Variants in KLF12 observed in about 807,000 individuals in gnomAD.
KLF12 encodes KLF transcription factor 12.
KLF12 carries 9 observed loss-of-function variants against 37.8 expected under a neutral mutation model. The ratio of observed to expected loss-of-function variants is 0.24; its 90% confidence interval spans 0.14 to 0.42. The LOEUF (loss-of-function observed/expected upper bound fraction) is 0.42. Ranked by LOEUF, KLF12 falls within the 10% of genes least tolerant of loss-of-function variation. The probability of loss-of-function intolerance (pLI) is 1.00; values close to 1 mark genes in which losing one functional copy is unlikely to be tolerated. For synonymous variants in KLF12, 208 were observed against 202.1 expected (o/e 1.03, Z -0.25); for missense variants, 411 against 516.0 (o/e 0.80, Z 1.97).
chr13:73,912,554 G>A (rs988623381), intron 3 of KLF12, among the ~76,000 whole-genome samples: 4 of 151,962 alleles, frequency 2.6e-5, no homozygotes, highest in African/African-American at 9.7e-5. Flanking sequence ...ACAAACTAAG[G>A]GACACCAAAA....
chr13:74,226,457 A>C, the KLF12 span, among the ~76,000 whole-genome samples: 1 of 152,164 alleles, frequency 6.6e-6, no homozygotes, highest in African/African-American at 2.4e-5. Context: ...TTCATTTAAC[A>C]AGTTTGTGGG....
the KLF12 span, among the ~76,000 whole-genome samples, chr13:74,253,659 T>G: frequency 6.6e-6 from 1 of 152,220 alleles, no homozygotes; most frequent in Non-Finnish European, 1.5e-5. Context: ...GCCAGCCTGT[T>G]AGAGCACATA....
chr13:73,748,583 G>A (rs1198920159), intron 6 of KLF12, among the ~76,000 whole-genome samples: 6 of 152,150 alleles, frequency 3.9e-5, no homozygotes, highest in East Asian at 1.9e-4. Context: ...AGCCTTCCCC[G>A]GGAACTGAAT....
At chr13:74,290,815 A>C in the KLF12 span, among the ~76,000 whole-genome samples, 1 of 152,244 alleles carries the variant, frequency 6.6e-6, no homozygotes, top group African/African-American at 2.4e-5. Context: ...AAACCTTTAT[A>C]ATTTATACCT....
chr13:73,859,875 A>G (rs1885824115), intron 3 of KLF12, among the ~76,000 whole-genome samples: 1 of 152,124 alleles, frequency 6.6e-6, no homozygotes, highest in African/African-American at 2.4e-5. Flanking sequence ...TTAGCATTGT[A>G]AGCAGAAAAA....
At chr13:74,144,406 A>G in the KLF12 span, among the ~76,000 whole-genome samples, 963 of 152,314 alleles carry the variant, frequency 6.3e-3, 9 homozygotes, top group African/African-American at 0.021. Context: ...AAACTAAGAC[A>G]CAAAGCATGG....
chr13:73,928,593 C>T (rs113804507), intron 3 of KLF12, among the ~76,000 whole-genome samples: 42 of 152,288 alleles, frequency 2.8e-4, no homozygotes, highest in African/African-American at 8.9e-4. Context: ...TTTCTATCTA[C>T]TAATCAATAG....
chr13:74,191,446 A>G, the KLF12 span, among the ~76,000 whole-genome samples: 1 of 152,200 alleles, frequency 6.6e-6, no homozygotes, highest in Non-Finnish European at 1.5e-5. Flanking sequence ...TATTTAACCA[A>G]CTAGCATCAA....
At position 73,691,647 on chromosome 13, in the gene KLF12, A is replaced by T. The variant is rs1873829252; in HGVS notation, c.*3843T>A. On this transcript the variant is annotated 3_prime_UTR_variant, in exon 8 of 8. Transcript: ENST00000377669. ...TACATTTCTAAGCAGTCATAACAAC[A>T]TAACAAAGGCGTATTAATACATTTT... 6.6e-6 allele frequency: 1 copy of T among 152,668 alleles called. No homozygotes were observed. The highest frequency in any genetic ancestry group is 2.4e-5 in the African/African-American group (1 of 41,456). 9.5% of individuals were successfully genotyped at this position (152,668 alleles called of 1,614,324 possible).
upstream of KLF12, among the ~76,000 whole-genome samples, chr13:74,137,131 G>A (rs182034238): frequency 1.3e-5 from 2 of 152,224 alleles, no homozygotes; most frequent in Non-Finnish European, 2.9e-5. Context: ...AAGAAGATAG[G>A]GAAAAGTACA....
intron 3 of KLF12, among the ~76,000 whole-genome samples, chr13:73,854,271 A>G (rs971027468): frequency 2.6e-5 from 4 of 152,258 alleles, no homozygotes; most frequent in African/African-American, 9.6e-5. Context: ...TGCCTGAGGC[A>G]AATGTTCTGT....
chr13:74,274,973 GT>G, the KLF12 span, among the ~76,000 whole-genome samples: 2 of 152,036 alleles, frequency 1.3e-5, no homozygotes, highest in Non-Finnish European at 2.9e-5. Flanking sequence ...TAAGGAGCCT[GT>G]TTACACCCCA....
At chr13:73,814,302 G>A (rs961481967) in intron 4 of KLF12, among the ~76,000 whole-genome samples, 25 of 152,214 alleles carry the variant, frequency 1.6e-4, no homozygotes, top group African/African-American at 6.0e-4. Context: ...AATGACATTT[G>A]GGTACATTTC....
the KLF12 span, among the ~76,000 whole-genome samples, chr13:74,180,804 T>C: frequency 6.6e-6 from 1 of 152,130 alleles, no homozygotes; most frequent in Non-Finnish European, 1.5e-5. Flanking sequence ...TAATCAGAAA[T>C]TATGCTTCCT....
chr13:73,775,988 A>C (rs945326314), intron 5 of KLF12, among the ~76,000 whole-genome samples: 8 of 152,230 alleles, frequency 5.3e-5, no homozygotes, highest in African/African-American at 1.9e-4. Flanking sequence ...AGGCATAATG[A>C]AAGTGGCATA....
intron 1 of KLF12, among the ~76,000 whole-genome samples, chr13:74,040,084 A>G (rs1418604697): frequency 6.6e-6 from 1 of 152,206 alleles, no homozygotes; most frequent in African/African-American, 2.4e-5. Flanking sequence ...CTTTCTTCAA[A>G]TTTTCCCTAA....
chr13:73,820,214 C>T (rs1566392861), intron 4 of KLF12, among the ~76,000 whole-genome samples: 1 of 152,206 alleles, frequency 6.6e-6, no homozygotes, highest in South Asian at 2.1e-4. Context: ...ATGACATTAA[C>T]ATTCCCTAAA....
chr13:74,011,310 G>A, intron 1 of KLF12, among the ~76,000 whole-genome samples: 1 of 150,848 alleles, frequency 6.6e-6, no homozygotes, highest in East Asian at 2.0e-4. Context: ...CAGTACTGCA[G>A]AGGCAAAATG....
At chr13:73,782,656 T>A (rs375032317) in intron 5 of KLF12, among the ~76,000 whole-genome samples, 4 of 152,238 alleles carry the variant, frequency 2.6e-5, no homozygotes, top group African/African-American at 9.6e-5. Context: ...GTAACCAGTA[T>A]TTTGGAAATG....
Sources: gnomAD v4.1 joint callset for allele counts (sites outside exome capture counted in the v4.1 genomes callset) on GRCh38, gnomAD v4.1.1 for gene constraint, MANE v1.5 for transcripts, NCBI Gene and HGNC (gene_info 2026-07-23, HGNC 2026-07-21) for gene names.